Variants in EMSY observed in about 807,000 individuals in gnomAD.
EMSY encodes the protein BRCA2-interacting transcriptional repressor EMSY.
Under a neutral mutation model 134.6 loss-of-function variants are expected in EMSY, and 26 were observed. The observed-to-expected ratio is 0.19, with a 90% CI of 0.14 to 0.27. The LOEUF (loss-of-function observed/expected upper bound fraction) is 0.27, where lower values mean the gene tolerates loss of function less well. Among genes scored for constraint, EMSY ranks in the 10% least tolerant of loss-of-function variants. The pLI is 1.00. For synonymous variants in EMSY, 579 were observed against 577.8 expected (o/e 1.00, Z -0.03); for missense variants, 1,305 against 1,611.4 (o/e 0.81, Z 3.26).
chr11:76,487,834 T>C (rs1292573953), intron 8 of EMSY, among the ~76,000 whole-genome samples: 2 of 152,366 alleles, frequency 1.3e-5, no homozygotes, highest in East Asian at 1.9e-4. Context: ...AGATTCAAAA[T>C]ATGAAACACT....
In EMSY at chr11:76,524,740, T is replaced by A. The variant is rs551816824; in HGVS notation, c.1821+1449T>A. ...CAAATCAACGTATAAGACCGTTTTC[T>A]GGGCTGGGTGTGGAGGCTTATGCCT... On this transcript the variant is annotated intron_variant, in intron 12 of 20. Coordinates refer to ENST00000334736, the Ensembl canonical transcript of EMSY. 2.6e-5 allele frequency among the ~76,000 whole-genome samples: 4 copies of A among 152,320 alleles called. No homozygotes were observed. In the South Asian group the frequency reaches 8.3e-4, roughly 32 times the overall value.
chr11:76,488,287 A>G (rs1949272281), intron 8 of EMSY, among the ~76,000 whole-genome samples: 1 of 152,168 alleles, frequency 6.6e-6, no homozygotes, highest in Non-Finnish European at 1.5e-5. Flanking sequence ...GCAACGTAGC[A>G]TGACCTCATC....
chr11:76,468,089 A>G (rs1248261425), intron 7 of EMSY, among the ~76,000 whole-genome samples: 2 of 152,218 alleles, frequency 1.3e-5, no homozygotes, highest in Non-Finnish European at 2.9e-5. Context: ...CTTAGCTAAA[A>G]ATACGTGTAG....
chr11:76,476,141 A>G (rs1948762523), intron 8 of EMSY, among the ~76,000 whole-genome samples: 1 of 152,250 alleles, frequency 6.6e-6, no homozygotes, highest in African/African-American at 2.4e-5. Flanking sequence ...TAAAACTGGT[A>G]GCCAAATCTA....
chr11:76,457,178 C>T (rs918458239), intron 4 of EMSY, among the ~76,000 whole-genome samples: 1 of 152,124 alleles, frequency 6.6e-6, no homozygotes, highest in Non-Finnish European at 1.5e-5. Context: ...CCACTGCCCA[C>T]TAACAAGGGC....
chr11:76,481,628 C>T (rs1049316428), intron 8 of EMSY, among the ~76,000 whole-genome samples: 1 of 152,194 alleles, frequency 6.6e-6, no homozygotes, highest in Non-Finnish European at 1.5e-5. Context: ...AGAAAGCCAC[C>T]AGGAAGTTCG....
In EMSY at chr11:76,544,560, T is replaced by C. The variant is rs749507620; in HGVS notation, c.3011T>C (p.Leu1004Pro). The C allele has an allele frequency of 5.6e-6, 9 of 1,613,852 alleles. 1 individual carries two copies. The South Asian group carries it at 9.9e-5, about 18-fold the overall frequency. The change falls in exon 19 of 21, where the codon CTC (leucine) becomes CCC (proline). Residue 1004 changes from leucine to proline, a missense_variant. Physicochemically the swap from Leu to Pro is moderately conservative, Grantham distance 98. Transcript: ENST00000334736. ...CAGCTTTCCATCAGGCATCAAAAAC[T>C]CACCCCTCTCCAGCAAGAACAAGCA...
chr11:76,496,014 T>A (rs1198242987), intron 8 of EMSY, among the ~76,000 whole-genome samples: 1 of 152,168 alleles, frequency 6.6e-6, no homozygotes, highest in Non-Finnish European at 1.5e-5. Context: ...GAACAATGGT[T>A]ACCTCCCTTG....
chr11:76,472,599 C>T (rs760606508), exon 8 of EMSY: 51 of 1,613,986 alleles, frequency 3.2e-5, no homozygotes, highest in South Asian at 9.9e-5. Flanking sequence ...GCTCAACCTT[C>T]GTGCCCAACA....
exon 18 of EMSY, chr11:76,542,352 C>T (rs1357891406): frequency 3.1e-6 from 5 of 1,613,984 alleles, no homozygotes; most frequent in Non-Finnish European, 4.2e-6. Flanking sequence ...GAGCAATCAC[C>T]CACATTATGC....
intron 1 of EMSY, 22 bp from the exon 2 acceptor site, chr11:76,446,878 C>CTTT: frequency 6.8e-6 from 8 of 1,168,218 alleles, no homozygotes; most frequent in Middle Eastern, 2.2e-4. Context: ...GGTAATTTGA[C>CTTT]TTTTTTTTTT....
chr11:76,481,192 C>T (rs1590851369), intron 8 of EMSY, among the ~76,000 whole-genome samples: 1 of 152,080 alleles, frequency 6.6e-6, no homozygotes, highest in South Asian at 2.1e-4. Context: ...TACAGGCGCC[C>T]GCCACCACGC....
At chr11:76,544,776 G>A (rs1951579550) in exon 19 of EMSY, 9 of 1,614,048 alleles carry the variant, frequency 5.6e-6, no homozygotes, top group Non-Finnish European at 6.8e-6. Flanking sequence ...ACCCCCCAGA[G>A]CCAAATGTCG....
chr11:76,548,472 G>A lies in EMSY; in HGVS notation c.3775-1480G>A, dbSNP rs1283760855. Among the ~76,000 whole-genome samples the A allele has an allele frequency of 3.3e-5, 5 of 152,252 alleles. No individual in the cohort carries two copies. In the East Asian group the frequency reaches 7.7e-4, roughly 24 times the overall value. Reference sequence around the variant, plus strand: ...CTGAGAATAGGGAAGTAAACAAGATGTATCTTCTATTATAAAAGAGTCTAT... The same window carrying A: ...CTGAGAATAGGGAAGTAAACAAGATATATCTTCTATTATAAAAGAGTCTAT... On this transcript the variant is annotated intron_variant, in intron 20 of 20. Transcript: ENST00000334736.
At chr11:76,533,765 A>C (rs1951127557) in intron 14 of EMSY, among the ~76,000 whole-genome samples, 1 of 152,190 alleles carries the variant, frequency 6.6e-6, no homozygotes, top group Admixed American at 6.6e-5. Context: ...TCTGAGGGAC[A>C]GGCTGCCATC....
chr11:76,486,842 G>GA (rs1278431810), intron 8 of EMSY, among the ~76,000 whole-genome samples: 1 of 152,172 alleles, frequency 6.6e-6, no homozygotes, highest in East Asian at 1.9e-4. Flanking sequence ...TAACACTGCA[G>GA]AAAAAAGTCC....
chr11:76,507,585 A>G (rs1200701908), intron 9 of EMSY, among the ~76,000 whole-genome samples: 1 of 152,226 alleles, frequency 6.6e-6, no homozygotes, highest in Non-Finnish European at 1.5e-5. Context: ...ATCCATGAGA[A>G]GCAACTCCTC....
At chr11:76,479,938 T>C (rs1438654722) in intron 8 of EMSY, among the ~76,000 whole-genome samples, 2 of 152,190 alleles carry the variant, frequency 1.3e-5, no homozygotes, top group Non-Finnish European at 2.9e-5. Context: ...TCTATCATGA[T>C]GAACTAAAAA....
chr11:76,526,686 C>G (rs761704306), intron 13 of EMSY, 51 bp downstream of exon 14: 1 of 1,441,628 alleles, frequency 6.9e-7, no homozygotes, highest in Non-Finnish European at 9.4e-7. Flanking sequence ...ATTTTCAATT[C>G]TTATAATTCC....
Sources: allele counts gnomAD v4.1 joint callset (sites outside exome capture counted in the v4.1 genomes callset), GRCh38; gene constraint gnomAD v4.1.1; transcripts MANE v1.5; gene names NCBI Gene and HGNC (gene_info 2026-07-23, HGNC 2026-07-21).